Variants in LDLRAD3 observed in about 807,000 individuals in gnomAD.
The protein encoded by LDLRAD3 is low density lipoprotein receptor class A domain containing 3, also known as low-density lipoprotein receptor class A domain-containing protein 3.
In LDLRAD3, 20 loss-of-function variants were observed where a neutral mutation model predicts 29.4. The ratio of observed to expected loss-of-function variants is 0.68; its 90% CI spans 0.48 to 0.99. The LOEUF (loss-of-function observed/expected upper bound fraction) is 0.99, where lower values mean the gene tolerates loss of function less well. Ranked by LOEUF, LDLRAD3 falls within the 50% of genes least tolerant of loss-of-function variation. LDLRAD3 has a pLI of 0.00. For missense variants in LDLRAD3, 420 were observed against 454.3 expected, an observed-to-expected ratio of 0.92 and a Z score of 0.69; for synonymous variants, 157 against 192.7, an observed-to-expected ratio of 0.81 and a Z score of 1.53.
At chr11:36,022,450 T>C (rs1456311960) in intron 1 of LDLRAD3, among the ~76,000 whole-genome samples, 1 of 152,172 alleles carries the variant, frequency 6.6e-6, no homozygotes, top group African/African-American at 2.4e-5. Context: ...TTTAAGAGGT[T>C]TTCTTGTGTG....
chr11:36,157,787 C>G (rs946165474), intron 4 of LDLRAD3, among the ~76,000 whole-genome samples: 3 of 152,084 alleles, frequency 2.0e-5, no homozygotes, highest in Non-Finnish European at 4.4e-5. Context: ...CAGGCAAGGT[C>G]TGGTGGTTGA....
chr11:36,002,207 C>G (rs1851833628), intron 1 of LDLRAD3, among the ~76,000 whole-genome samples: 1 of 152,240 alleles, frequency 6.6e-6, no homozygotes, highest in South Asian at 2.1e-4. Context: ...ACAAACATCA[C>G]TGTGAATGAC....
At chr11:36,091,162 A>G (rs1227536143) in intron 3 of LDLRAD3, among the ~76,000 whole-genome samples, 3 of 152,162 alleles carry the variant, frequency 2.0e-5, no homozygotes, top group African/African-American at 7.2e-5. Context: ...TGTGGAGGCT[A>G]TGAGGTTGGG....
chr11:36,058,626 G>A (rs1288531087), intron 2 of LDLRAD3, among the ~76,000 whole-genome samples: 1 of 152,170 alleles, frequency 6.6e-6, no homozygotes, highest in East Asian at 1.9e-4. Flanking sequence ...TGAGTCCTCT[G>A]TTTTAGTAAT....
intron 4 of LDLRAD3, among the ~76,000 whole-genome samples, chr11:36,118,686 G>T (rs1249223846): frequency 6.6e-6 from 1 of 151,942 alleles, no homozygotes; most frequent in Non-Finnish European, 1.5e-5. Context: ...GCTTTATTTA[G>T]ATGTAATTAA....
At chr11:35,961,872 G>A (rs1851282081) in intron 1 of LDLRAD3, among the ~76,000 whole-genome samples, 1 of 152,074 alleles carries the variant, frequency 6.6e-6, no homozygotes, top group Non-Finnish European at 1.5e-5. Flanking sequence ...ATTCCCTCAA[G>A]CATTTATCCT....
chr11:36,225,439 C>A (rs1285057150), intron 4 of LDLRAD3, among the ~76,000 whole-genome samples: 2 of 152,080 alleles, frequency 1.3e-5, no homozygotes, highest in African/African-American at 4.8e-5. Flanking sequence ...TACCTGGGTG[C>A]TTGAAGTATG....
intron 4 of LDLRAD3, among the ~76,000 whole-genome samples, chr11:36,206,651 C>T (rs1269465821): frequency 6.6e-6 from 1 of 151,962 alleles, no homozygotes; most frequent in Non-Finnish European, 1.5e-5. Context: ...AAGAGAGCGT[C>T]AGTCCTAGGA....
intron 2 of LDLRAD3, among the ~76,000 whole-genome samples, chr11:36,057,370 A>G (rs764286966): frequency 5.9e-5 from 9 of 152,152 alleles, no homozygotes; most frequent in Non-Finnish European, 1.2e-4. Flanking sequence ...CGCAGTAATT[A>G]CTTCTTTACC....
At chr11:36,108,613 G>A (rs925861653) in intron 4 of LDLRAD3, among the ~76,000 whole-genome samples, 2 of 152,044 alleles carry the variant, frequency 1.3e-5, no homozygotes, top group Non-Finnish European at 2.9e-5. Context: ...CCAGAAGGAT[G>A]GGGAAGAGTT....
chr11:36,077,718 C>G (rs1228960152), intron 2 of LDLRAD3, among the ~76,000 whole-genome samples: 4 of 152,198 alleles, frequency 2.6e-5, no homozygotes, highest in African/African-American at 9.6e-5. Flanking sequence ...TCAGCAACCA[C>G]AGAGCCCTAA....
At chr11:36,084,604 G>C (rs1853168698) in intron 3 of LDLRAD3, among the ~76,000 whole-genome samples, 1 of 152,160 alleles carries the variant, frequency 6.6e-6, no homozygotes, top group Admixed American at 6.5e-5. Flanking sequence ...TCAAATAGCT[G>C]ACTTTAAAAG....
At chr11:36,107,210 T>G (rs1216432720) in intron 4 of LDLRAD3, among the ~76,000 whole-genome samples, 1 of 152,074 alleles carries the variant, frequency 6.6e-6, no homozygotes, top group Non-Finnish European at 1.5e-5. Context: ...TTTTCTTTTT[T>G]TTTTTTTGAG....
Position 36,133,552 on chromosome 11 carries a change from T to C in LDLRAD3, c.454+35091T>C, listed in dbSNP as rs991456948. On this transcript the variant is annotated intron_variant, in intron 4 of 5. Coordinates refer to ENST00000315571, the MANE Select transcript of LDLRAD3 (RefSeq NM_174902.4). ...GTCCGTTTTCTTTTTCTTTTCTTTT[T>C]TTTTTTTTTTTTTGAGACGGAGTCT... Among the ~76,000 whole-genome samples the C allele has an allele frequency of 1.2e-3, 176 of 144,690 alleles. 1 individual carries two copies. The highest frequency in any genetic ancestry group is 1.2e-3 in the Non-Finnish European group (76 of 65,858). The allele number at this position is 144,690 out of a possible 152,430, so 94.9% of individuals were successfully genotyped here.
At chr11:36,133,531 G>GT (rs1427827389) in intron 4 of LDLRAD3, among the ~76,000 whole-genome samples, 1 of 138,520 alleles carries the variant, frequency 7.2e-6, no homozygotes, top group African/African-American at 2.7e-5. Flanking sequence ...GCCCAAGTCC[G>GT]TTTTCTTTTT....
chr11:35,975,799 A>G (rs1851467729), intron 1 of LDLRAD3, among the ~76,000 whole-genome samples: 1 of 151,276 alleles, frequency 6.6e-6, no homozygotes, highest in Non-Finnish European at 1.5e-5. Context: ...TGAGCCAGAG[A>G]GCTGCCCAGG....
intron 1 of LDLRAD3, among the ~76,000 whole-genome samples, chr11:35,947,525 T>G (rs1489196321): frequency 6.6e-6 from 1 of 150,842 alleles, no homozygotes; most frequent in African/African-American, 2.4e-5. Context: ...AAAAAAGAAT[T>G]GGCCTTTACA....
At chr11:36,135,028 C>G (rs1279111935) in intron 4 of LDLRAD3, among the ~76,000 whole-genome samples, 1 of 152,104 alleles carries the variant, frequency 6.6e-6, no homozygotes, top group Non-Finnish European at 1.5e-5. Flanking sequence ...CCCTGTTTCC[C>G]CTCTCTCTTT....
intron 3 of LDLRAD3, among the ~76,000 whole-genome samples, chr11:36,097,856 A>G (rs1056568328): frequency 1.3e-5 from 2 of 152,222 alleles, no homozygotes; most frequent in African/African-American, 4.8e-5. Context: ...AAAATTAAAA[A>G]GAATTCCAAA....
Sources: allele counts gnomAD v4.1 joint callset (sites outside exome capture counted in the v4.1 genomes callset), GRCh38; gene constraint gnomAD v4.1.1; transcripts MANE v1.5; gene names NCBI Gene and HGNC (gene_info 2026-07-23, HGNC 2026-07-21).